The following AK3 variants were observed in gnomAD, a reference collection of about 807,000 sequenced individuals.
AK3 encodes the protein adenylate kinase 3.
Under a neutral mutation model 23.7 loss-of-function variants are expected in AK3, and 27 were observed. That is an observed-to-expected ratio of 1.14 (90% confidence interval 0.84 to 1.57). AK3 has a LOEUF of 1.57. Among genes scored for constraint, AK3 ranks in the 40% most tolerant of loss-of-function variants. The pLI is 0.00. For missense variants in AK3, 406 were observed against 285.6 expected (o/e 1.42, Z -3.04); for synonymous variants, 159 against 116.0 (o/e 1.37, Z -2.38).
intron 1 of AK3, among the ~76,000 whole-genome samples, chr9:4,734,425 A>T (rs1842223338): frequency 6.6e-6 from 1 of 152,200 alleles, no homozygotes; most frequent in African/African-American, 2.4e-5. Flanking sequence ...CACCTAGTGA[A>T]ATCAGTTGCT....
intron 1 of AK3, among the ~76,000 whole-genome samples, chr9:4,726,648 C>T (rs1385689628): frequency 6.6e-6 from 1 of 151,868 alleles, no homozygotes; most frequent in African/African-American, 2.4e-5. Context: ...GGCTTGAACC[C>T]CTTAAAGTCA....
rs1445461159 is a variant in AK3, at chr9:4,722,384, T to TCCCAAGCACCCCTCTC, written c.271+106_271+121dup. ...GAGAAGATGACTGGTTTCAGGATAG[T>TCCCAAGCACCCCTCTC]CCCAAGCACCCCTCTCCCCAAACCA... On this transcript the variant is annotated intron_variant, in intron 2 of 4. Coordinates refer to ENST00000381809, the MANE Select transcript of AK3 (RefSeq NM_016282.4). 7 of 1,397,004 alleles carry TCCCAAGCACCCCTCTC rather than the reference T, an allele frequency of 5.0e-6. No individual in the cohort carries two copies. In the East Asian group the frequency reaches 1.6e-4, roughly 33 times the overall value. The allele number at this position is 1,397,004 out of a possible 1,614,324, so 86.5% of individuals were successfully genotyped here.
At chr9:4,735,702 C>T (rs2130912385) in intron 1 of AK3, among the ~76,000 whole-genome samples, 1 of 150,288 alleles carries the variant, frequency 6.7e-6, no homozygotes, top group East Asian at 1.9e-4. Context: ...CCCCTGACCT[C>T]AAATGATCCA....
In AK3 at chr9:4,712,973, T is replaced by C. The variant is rs1841601155; in HGVS notation, c.*3A>G. 1.2e-6 allele frequency: 2 copies of C among 1,612,664 alleles called. No homozygotes were observed. Among genetic ancestry groups the C allele is most frequent in the Non-Finnish European group, 1.7e-6 (2 of 1,179,332 alleles). ...TACTATTAATAGTTACACACATTTCTCCTCATGGAGTAACTGAAGCTTTCT... is the reference window on the plus strand; with the variant it reads ...TACTATTAATAGTTACACACATTTCCCCTCATGGAGTAACTGAAGCTTTCT... On this transcript the variant is annotated 3_prime_UTR_variant, in exon 5 of 5. Transcript: ENST00000381809.
chr9:4,716,259 T>C (rs2130873872), intron 4 of AK3, among the ~76,000 whole-genome samples: 1 of 152,298 alleles, frequency 6.6e-6, no homozygotes, highest in East Asian at 1.9e-4. Flanking sequence ...GCTCCCCACC[T>C]CACCCACAAA....
rs71326127 is a variant in AK3 at position 4,729,015 on chromosome 9, A to ATATTTTTTTT, written c.152-6391_152-6390insAAAAAAAATA. Among the ~76,000 whole-genome samples the ATATTTTTTTT allele has an allele frequency of 2.2e-3, 285 of 129,416 alleles. 4 individuals are homozygous for ATATTTTTTTT. Among genetic ancestry groups the ATATTTTTTTT allele is most frequent in the African/African-American group, 8.1e-3 (276 of 34,004 alleles). 84.9% of individuals were successfully genotyped at this position (129,416 alleles called of 152,430 possible). ...CACACACACATATATATATATATATATTTTTTTTTTTTGAGACGGAATTTT... is the reference window on the plus strand; with the variant it reads ...CACACACACATATATATATATATATATATTTTTTTTTTTTTTTTTTTTGAGACGGAATTTT... On this transcript the variant is annotated intron_variant, in intron 1 of 4. Coordinates refer to ENST00000381809, the MANE Select transcript of AK3 (RefSeq NM_016282.4).
intron 1 of AK3, among the ~76,000 whole-genome samples, chr9:4,738,149 T>C (rs1182916568): frequency 1.3e-5 from 2 of 152,212 alleles, no homozygotes; most frequent in Admixed American, 6.5e-5. Flanking sequence ...TTAATAACTA[T>C]ACAACTTTGA....
rs1413030564 is a variant in AK3, at chr9:4,711,631, T to G, written c.*1345A>C. 1 of 152,426 alleles carries G rather than the reference T, an allele frequency of 6.6e-6. No individual in the cohort carries two copies. The highest frequency in any genetic ancestry group is 1.9e-4 in the East Asian group (1 of 5,190). The allele number at this position is 152,426 out of a possible 1,614,324, so 9.4% of individuals were successfully genotyped here. Reference sequence around the variant, plus strand: ...GACTTGTAAGACGGCTTGTTTCATTTGATTTGGCACGAAGTAAAGTAAGAG... The same window carrying G: ...GACTTGTAAGACGGCTTGTTTCATTGGATTTGGCACGAAGTAAAGTAAGAG... On this transcript the variant is annotated 3_prime_UTR_variant, in exon 5 of 5. Coordinates refer to ENST00000381809, the MANE Select transcript of AK3 (RefSeq NM_016282.4).
At chr9:4,725,604 T>TA (rs1382739402) in intron 1 of AK3, among the ~76,000 whole-genome samples, 2 of 151,538 alleles carry the variant, frequency 1.3e-5, no homozygotes, top group African/African-American at 2.4e-5. Flanking sequence ...CCCCATCTCT[T>TA]AAAAAAGAAA....
intron 1 of AK3, among the ~76,000 whole-genome samples, chr9:4,735,146 C>T (rs957134764): frequency 2.0e-5 from 3 of 149,252 alleles, no homozygotes; most frequent in African/African-American, 7.4e-5. Context: ...GTAATCCCAA[C>T]ACCTTGAGAG....
intron 4 of AK3, among the ~76,000 whole-genome samples, chr9:4,713,554 CT>C (rs1263624059): frequency 6.6e-6 from 1 of 152,086 alleles, no homozygotes; most frequent in Admixed American, 6.6e-5. Context: ...TCTACTTACT[CT>C]TTTGCAAAAG....
intron 1 of AK3, among the ~76,000 whole-genome samples, chr9:4,736,546 A>G (rs1423986817): frequency 6.6e-6 from 1 of 151,948 alleles, no homozygotes; most frequent in Non-Finnish European, 1.5e-5. Context: ...CCACAGGTGT[A>G]CATAATAATG....
At chr9:4,731,037 C>T (rs975883095) in intron 1 of AK3, among the ~76,000 whole-genome samples, 1 of 152,178 alleles carries the variant, frequency 6.6e-6, no homozygotes, top group Non-Finnish European at 1.5e-5. Flanking sequence ...GGTCTTGTAA[C>T]TGTTGATGTT....
intron 1 of AK3, among the ~76,000 whole-genome samples, chr9:4,730,086 T>C (rs1378284987): frequency 5.3e-5 from 8 of 152,218 alleles, no homozygotes; most frequent in Admixed American, 2.6e-4. Flanking sequence ...AAAGACTATA[T>C]ATCGTATGAT....
At chr9:4,714,049 T>C (rs796955921) in intron 4 of AK3, among the ~76,000 whole-genome samples, 15 of 11,004 alleles carry the variant, frequency 1.4e-3, no homozygotes, top group African/African-American at 9.3e-3. Context: ...TCTACACATA[T>C]ACACCTACAC....
intron 1 of AK3, among the ~76,000 whole-genome samples, chr9:4,739,030 C>G (rs879832116): frequency 1.3e-5 from 2 of 151,918 alleles, no homozygotes; most frequent in East Asian, 1.9e-4. Flanking sequence ...CGACTCAGCC[C>G]CCAAAGTGCT....
rs1563780974 is a variant in AK3 at position 4,713,996 on chromosome 9, GCCTACACATATACA to G, written c.564-914_564-901del. On this transcript the variant is annotated intron_variant, in intron 4 of 4. Coordinates refer to ENST00000381809, the MANE Select transcript of AK3 (RefSeq NM_016282.4). ...CACATTTACACACCTACACATATAC[GCCTACACATATACA>G]CCTACACATATACAGCTACACATAT... Among the ~76,000 whole-genome samples the G allele has an allele frequency of 5.6e-4, 6 of 10,780 alleles. 1 individual carries two copies. The highest frequency in any genetic ancestry group is 1.2e-3 in the Non-Finnish European group (5 of 4,204). The allele number at this position is 10,780 out of a possible 152,430, so 7.1% of individuals were successfully genotyped here. A position where few individuals can be genotyped will look rare whatever the true frequency, so the allele number is the denominator to read the frequency against.
chr9:4,726,243 A>T (rs956909945), intron 1 of AK3, among the ~76,000 whole-genome samples: 12 of 152,188 alleles, frequency 7.9e-5, no homozygotes, highest in African/African-American at 2.9e-4. Flanking sequence ...GTGCAATTGC[A>T]TAAAATAAGA....
chr9:4,734,997 G>A (rs1842236678), intron 1 of AK3, among the ~76,000 whole-genome samples: 2 of 152,006 alleles, frequency 1.3e-5, no homozygotes, highest in Admixed American at 1.3e-4. Context: ...AGGCTCAGGT[G>A]GAGGGGTGTG....
Sources: gnomAD v4.1 joint callset for allele counts (sites outside exome capture counted in the v4.1 genomes callset) on GRCh38, gnomAD v4.1.1 for gene constraint, MANE v1.5 for transcripts, NCBI Gene and HGNC (gene_info 2026-07-23, HGNC 2026-07-21) for gene names.